KCNIP4: variants seen among roughly 807,000 people sequenced by gnomAD.
The protein encoded by KCNIP4 is potassium voltage-gated channel interacting protein 4, also known as Kv channel-interacting protein 4.
A neutral mutation model predicts 34.0 loss-of-function variants in KCNIP4; 12 were observed. That is an observed-to-expected ratio of 0.35 (90% confidence interval 0.23 to 0.57). KCNIP4 has a LOEUF of 0.57. KCNIP4 is among the 20% of genes least tolerant of loss of function. KCNIP4 has a pLI of 0.83. For synonymous variants in KCNIP4, 124 were observed against 102.2 expected (o/e 1.21, Z -1.29); for missense variants, 238 against 311.7 (o/e 0.76, Z 1.78).
chr4:21,270,186 A>G (rs1762055516), intron 1 of KCNIP4, among the ~76,000 whole-genome samples: 1 of 152,174 alleles, frequency 6.6e-6, no homozygotes, highest in Non-Finnish European at 1.5e-5. Flanking sequence ...GTTCCCAACC[A>G]TTTCTAGTCA....
intron 1 of KCNIP4, among the ~76,000 whole-genome samples, chr4:21,265,486 A>G (rs1427156645): frequency 1.3e-5 from 2 of 152,190 alleles, no homozygotes; most frequent in Non-Finnish European, 2.9e-5. Flanking sequence ...GCTTTTGTTG[A>G]GTGAAGTCAT....
At chr4:21,663,932 T>A (rs964352754) in intron 1 of KCNIP4, among the ~76,000 whole-genome samples, 1 of 152,142 alleles carries the variant, frequency 6.6e-6, no homozygotes, top group Non-Finnish European at 1.5e-5. Context: ...TTAGGTTTTT[T>A]TGTTTGCTTT....
intron 1 of KCNIP4, among the ~76,000 whole-genome samples, chr4:21,283,412 A>T (rs576407128): frequency 4.6e-5 from 7 of 152,052 alleles, no homozygotes; most frequent in Non-Finnish European, 8.8e-5. Context: ...TCCATCTTTT[A>T]ACGTTTTCTC....
chr4:21,040,879 G>A (rs1420440385), intron 1 of KCNIP4, among the ~76,000 whole-genome samples: 3 of 148,006 alleles, frequency 2.0e-5, no homozygotes, highest in African/African-American at 5.0e-5. Context: ...TTTTTTTTAC[G>A]CTCTCACTTA....
intron 1 of KCNIP4, among the ~76,000 whole-genome samples, chr4:20,962,231 C>T (rs777088737): frequency 2.6e-5 from 4 of 152,184 alleles, no homozygotes; most frequent in Non-Finnish European, 4.4e-5. Flanking sequence ...TCCCCTACAC[C>T]GTGAACTGGG....
At chr4:21,025,435 C>CA (rs2149754600) in intron 1 of KCNIP4, among the ~76,000 whole-genome samples, 1 of 130,844 alleles carries the variant, frequency 7.6e-6, no homozygotes, top group South Asian at 2.6e-4. Flanking sequence ...TGCCAGAAGT[C>CA]AAGTGAACAC....
intron 1 of KCNIP4, among the ~76,000 whole-genome samples, chr4:21,281,280 G>A (rs951586481): frequency 6.6e-6 from 1 of 151,758 alleles, no homozygotes; most frequent in Non-Finnish European, 1.5e-5. Flanking sequence ...TAGCAATGGG[G>A]TTTCACCATA....
At chr4:21,652,484 A>C (rs1269649605) in intron 1 of KCNIP4, among the ~76,000 whole-genome samples, 1 of 152,130 alleles carries the variant, frequency 6.6e-6, no homozygotes, top group African/African-American at 2.4e-5. Flanking sequence ...ACACAAGCTA[A>C]AGACATTAGG....
At chr4:21,795,967 G>A (rs757800702) in intron 1 of KCNIP4, among the ~76,000 whole-genome samples, 1 of 152,102 alleles carries the variant, frequency 6.6e-6, no homozygotes, top group Admixed American at 6.6e-5. Context: ...TACTAGGAAG[G>A]CAGAAGCAAA....
chr4:20,906,558 C>A (rs1389166719), intron 1 of KCNIP4, among the ~76,000 whole-genome samples: 3 of 152,174 alleles, frequency 2.0e-5, no homozygotes, highest in Admixed American at 6.5e-5. Context: ...TTTGCTCCCC[C>A]TTGCCTTCCA....
At chr4:20,922,081 C>T (rs1217763366) in intron 1 of KCNIP4, among the ~76,000 whole-genome samples, 2 of 152,064 alleles carry the variant, frequency 1.3e-5, no homozygotes, top group African/African-American at 4.8e-5. Context: ...TGCAGGAGAC[C>T]CATATTCCAA....
At chr4:20,806,775 C>A (rs557050047) in intron 3 of KCNIP4, among the ~76,000 whole-genome samples, 58 of 152,170 alleles carry the variant, frequency 3.8e-4, no homozygotes, top group African/African-American at 1.3e-3. Flanking sequence ...TCAAAGATAT[C>A]TGGTTTGGTG....
rs71191538 is a variant in KCNIP4 at position 21,720,013 on chromosome 4, A to AAGAAGG, written c.61+228552_61+228557dup. Among the ~76,000 whole-genome samples, 1,057 of 131,222 alleles carry AAGAAGG rather than the reference A, an allele frequency of 8.1e-3. 10 individuals are homozygous for AAGAAGG. The highest frequency in any genetic ancestry group is 0.012 in the Non-Finnish European group (760 of 65,284). 86.1% of individuals were successfully genotyped at this position (131,222 alleles called of 152,430 possible). A position where few individuals can be genotyped will look rare whatever the true frequency, so the allele number is the denominator to read the frequency against. On this transcript the variant is annotated intron_variant, in intron 1 of 8. Transcript: ENST00000382152. The stretch of plus-strand genomic sequence containing the variant: ...GGAAGAAGAAAAGAAAAAGAAGAAG[A>AAGAAGG]AGAAGGAGAAGGAGAAGGAGAAGGA...
intron 1 of KCNIP4, among the ~76,000 whole-genome samples, chr4:21,820,931 T>C (rs1273959626): frequency 2.0e-5 from 3 of 152,162 alleles, no homozygotes; most frequent in Non-Finnish European, 4.4e-5. Flanking sequence ...ATGCAACTGA[T>C]AACTGAACAT....
intron 2 of KCNIP4, among the ~76,000 whole-genome samples, chr4:20,856,817 A>G (rs1173272776): frequency 6.6e-6 from 1 of 152,090 alleles, no homozygotes; most frequent in Non-Finnish European, 1.5e-5. Context: ...AAATTTTCTG[A>G]GCAGTCTTTC....
rs758036130 is a variant in KCNIP4 at position 20,734,743 on chromosome 4, G to T, written c.430-8C>A. ...AAGACCTTTGATGAAATCCTGAAAAGAAATAAAAATTCAATTTTATATGAC... is the reference window on the plus strand; with the variant it reads ...AAGACCTTTGATGAAATCCTGAAAATAAATAAAAATTCAATTTTATATGAC... On this transcript the variant is annotated splice_polypyrimidine_tract_variant and splice_region_variant and intron_variant, in intron 5 of 8. Coordinates refer to ENST00000382152, the MANE Select transcript of KCNIP4 (RefSeq NM_025221.6). The T allele has an allele frequency of 5.5e-5, 82 of 1,490,688 alleles. No individual in the cohort carries two copies. Among genetic ancestry groups the T allele is most frequent in the South Asian group, 1.4e-4 (11 of 80,792 alleles). The allele number at this position is 1,490,688 out of a possible 1,614,324, so 92.3% of individuals were successfully genotyped here.
intron 2 of KCNIP4, among the ~76,000 whole-genome samples, chr4:20,873,649 T>C (rs1157480290): frequency 6.6e-6 from 1 of 152,154 alleles, no homozygotes; most frequent in Non-Finnish European, 1.5e-5. Flanking sequence ...ACATCATCCC[T>C]TCTAAAATTT....
intron 1 of KCNIP4, among the ~76,000 whole-genome samples, chr4:21,497,124 TG>T (rs544612068): frequency 1.7e-3 from 254 of 152,332 alleles, no homozygotes; most frequent in African/African-American, 5.9e-3. Context: ...TTTTCTCATC[TG>T]TAAAACATAG....
At chr4:21,200,626 G>A (rs1209969727) in intron 1 of KCNIP4, among the ~76,000 whole-genome samples, 3 of 151,608 alleles carry the variant, frequency 2.0e-5, no homozygotes, top group Non-Finnish European at 4.4e-5. Flanking sequence ...GGAAATGGGA[G>A]ACTCAAAGAA....
Sources: allele counts gnomAD v4.1 joint callset (sites outside exome capture counted in the v4.1 genomes callset), GRCh38; gene constraint gnomAD v4.1.1; transcripts MANE v1.5; gene names NCBI Gene and HGNC (gene_info 2026-07-23, HGNC 2026-07-21).